Variants in PCSK5 observed in about 807,000 individuals in gnomAD.
PCSK5 encodes the protein prohormone convertase 5.
In PCSK5, 129 loss-of-function variants were observed where a neutral mutation model predicts 233.2. The observed-to-expected ratio is 0.55, with a 90% CI of 0.48 to 0.64. The LOEUF (loss-of-function observed/expected upper bound fraction) is 0.64. PCSK5 is among the 30% of genes least tolerant of loss of function. PCSK5 has a pLI of 0.00. For missense variants in PCSK5, 2,076 were observed against 2,430.1 expected (o/e 0.85, Z 3.06); for synonymous variants, 825 against 879.2 (o/e 0.94, Z 1.09).
intron 22 of PCSK5, among the ~76,000 whole-genome samples, chr9:76,236,498 T>C (rs1420446470): frequency 1.3e-5 from 2 of 152,200 alleles, no homozygotes; most frequent in Non-Finnish European, 2.9e-5. Context: ...CCGCTGGAAA[T>C]AGCTTCGTCT....
chr9:76,332,621 A>G lies in PCSK5; in HGVS notation c.4748+11A>G, dbSNP rs1829569162. On this transcript the variant is annotated intron_variant, in intron 34 of 37. Coordinates refer to ENST00000674117, the MANE Select transcript of PCSK5 (RefSeq NM_001372043.1). ...CCAGTGCAGGGAAGGGTAAGTGCTC[A>G]ATACATTTTCCCCCATGTAATTTCA... 2 of 1,547,138 alleles carry G rather than the reference A, an allele frequency of 1.3e-6. No individual in the cohort carries two copies. The highest frequency in any genetic ancestry group is 3.9e-5 in the Admixed American group (2 of 50,736).
At chr9:75,979,567 G>A (rs1197697865) in intron 2 of PCSK5, among the ~76,000 whole-genome samples, 4 of 152,178 alleles carry the variant, frequency 2.6e-5, no homozygotes, top group Non-Finnish European at 2.9e-5. Flanking sequence ...ACTGGAGGGC[G>A]AATGCAATAC....
intron 1 of PCSK5, among the ~76,000 whole-genome samples, chr9:75,917,141 C>G (rs1452601455): frequency 6.8e-6 from 1 of 146,058 alleles, no homozygotes; most frequent in Admixed American, 7.0e-5. Flanking sequence ...TGCATGCCAT[C>G]CTGGGCAACG....
intron 2 of PCSK5, among the ~76,000 whole-genome samples, chr9:75,975,860 A>C (rs1489844060): frequency 6.6e-6 from 1 of 152,190 alleles, no homozygotes; most frequent in Non-Finnish European, 1.5e-5. Context: ...AAGACAAATA[A>C]ATGTAGAATG....
chr9:75,952,493 G>A (rs1824905988), intron 2 of PCSK5, among the ~76,000 whole-genome samples: 1 of 152,064 alleles, frequency 6.6e-6, no homozygotes, highest in African/African-American at 2.4e-5. Context: ...CATTTATCCT[G>A]TTTATTGGAC....
intron 35 of PCSK5, among the ~76,000 whole-genome samples, chr9:76,345,851 C>G (rs1213392041): frequency 6.6e-6 from 1 of 152,150 alleles, no homozygotes; most frequent in Non-Finnish European, 1.5e-5. Context: ...TCCCGAGTAG[C>G]TGGGACTACA....
intron 27 of PCSK5, among the ~76,000 whole-genome samples, chr9:76,300,664 C>T (rs2131422344): frequency 6.6e-6 from 1 of 152,292 alleles, no homozygotes; most frequent in African/African-American, 2.4e-5. Flanking sequence ...CCTATGTCTA[C>T]ACCCTCTAGC....
intron 1 of PCSK5, among the ~76,000 whole-genome samples, chr9:75,918,594 AT>A (rs1325953111): frequency 2.0e-5 from 3 of 151,784 alleles, no homozygotes; most frequent in South Asian, 2.1e-4. Flanking sequence ...ATTACCAGCC[AT>A]TTTTTTTCAG....
At chr9:76,095,382 T>C (rs1831466437) in intron 7 of PCSK5, among the ~76,000 whole-genome samples, 1 of 152,240 alleles carries the variant, frequency 6.6e-6, no homozygotes, top group African/African-American at 2.4e-5. Flanking sequence ...GATTTGAAGA[T>C]TTTAAACAAT....
intron 30 of PCSK5, among the ~76,000 whole-genome samples, chr9:76,314,130 T>G (rs1828948396): frequency 6.6e-6 from 1 of 152,232 alleles, no homozygotes; most frequent in African/African-American, 2.4e-5. Context: ...AAGAAAGAGA[T>G]GCATTTTGCT....
intron 5 of PCSK5, among the ~76,000 whole-genome samples, chr9:76,053,893 T>C (rs1829725168): frequency 6.6e-6 from 1 of 152,150 alleles, no homozygotes; most frequent in African/African-American, 2.4e-5. Context: ...CAGTACCAAT[T>C]TACTGTGTTA....
chr9:75,939,705 C>A (rs1167509400), intron 2 of PCSK5, among the ~76,000 whole-genome samples: 1 of 152,222 alleles, frequency 6.6e-6, no homozygotes, highest in Admixed American at 6.5e-5. Context: ...AAGTTAGACA[C>A]CCATGCGCTA....
chr9:76,137,523 A>G (rs562373105), intron 10 of PCSK5, among the ~76,000 whole-genome samples: 1 of 152,234 alleles, frequency 6.6e-6, no homozygotes, highest in South Asian at 2.1e-4. Context: ...TTAGTTTTTC[A>G]CAATAAACAT....
At chr9:76,332,344 C>T in intron 33 of PCSK5, 89 bp from the exon 34 acceptor site, 2 of 908,986 alleles carry the variant, frequency 2.2e-6, no homozygotes, top group South Asian at 3.3e-5. Flanking sequence ...GCCCTCTCCT[C>T]CCTCCCGCCA....
chr9:76,187,772 T>C (rs1824175583), intron 17 of PCSK5, among the ~76,000 whole-genome samples: 1 of 152,230 alleles, frequency 6.6e-6, no homozygotes, highest in South Asian at 2.1e-4. Context: ...TATGCATTTC[T>C]CATTTGACAT....
At chr9:76,199,049 A>C (rs1042135304) in intron 20 of PCSK5, among the ~76,000 whole-genome samples, 2 of 152,234 alleles carry the variant, frequency 1.3e-5, no homozygotes, top group African/African-American at 2.4e-5. Flanking sequence ...AAAGTGGATC[A>C]TGTCAAACTA....
intron 3 of PCSK5, among the ~76,000 whole-genome samples, chr9:75,998,668 G>A (rs1466982284): frequency 6.6e-6 from 1 of 152,112 alleles, no homozygotes; most frequent in African/African-American, 2.4e-5. Context: ...TGCTTTCACT[G>A]TAAATATTAT....
intron 3 of PCSK5, among the ~76,000 whole-genome samples, chr9:75,988,523 C>A (rs1213365617): frequency 6.6e-6 from 1 of 152,060 alleles, no homozygotes; most frequent in Non-Finnish European, 1.5e-5. Flanking sequence ...CTCAAGTGAT[C>A]CTCCCACGTT....
At chr9:76,193,212 TCTCTCTTG>T (rs770312978) in intron 20 of PCSK5, 12 of 1,609,590 alleles carry the variant, frequency 7.5e-6, no homozygotes, top group African/African-American at 1.3e-5. Flanking sequence ...CAACTCCCCT[TCTCTCTTG>T]CTGACTTCTG....
Sources: gnomAD v4.1 joint callset for allele counts (sites outside exome capture counted in the v4.1 genomes callset) on GRCh38, gnomAD v4.1.1 for gene constraint, MANE v1.5 for transcripts, NCBI Gene and HGNC (gene_info 2026-07-23, HGNC 2026-07-21) for gene names.